Variants in LAMA1 observed in about 807,000 individuals in gnomAD.
The protein encoded by LAMA1 is laminin subunit alpha 1.
In LAMA1, 219 loss-of-function variants were observed where a neutral mutation model predicts 348.7. The ratio of observed to expected loss-of-function variants is 0.63; its 90% CI spans 0.56 to 0.70. The LOEUF is 0.70. Ranked by LOEUF, LAMA1 falls within the 30% of genes least tolerant of loss-of-function variation. The pLI, the probability that LAMA1 is intolerant of heterozygous loss-of-function variation, is 0.00. For synonymous variants in LAMA1, 1,487 were observed against 1,491.0 expected (o/e 1.00, Z 0.06); for missense variants, 3,744 against 3,888.0 (o/e 0.96, Z 0.99).
intron 47 of LAMA1, 162 bp from the exon 48 acceptor site, chr18:6,972,143 T>C: frequency 1.4e-6 from 1 of 726,260 alleles, no homozygotes; most frequent in South Asian, 1.6e-5. Context: ...CTGGATTTCC[T>C]TTCAGTTATG....
chr18:7,085,639 C>T (rs993956610), intron 1 of LAMA1, among the ~76,000 whole-genome samples: 22 of 152,070 alleles, frequency 1.4e-4, no homozygotes, highest in African/African-American at 2.2e-4. Flanking sequence ...AGGATGGTCT[C>T]GATCTCCTGA....
chr18:6,945,096 T>C (rs2057515946), intron 61 of LAMA1, among the ~76,000 whole-genome samples: 1 of 152,174 alleles, frequency 6.6e-6, no homozygotes, highest in Non-Finnish European at 1.5e-5. Flanking sequence ...GGTGTCGCTA[T>C]GTTGCCCTGG....
At chr18:7,020,159 A>G (rs578201393) in intron 19 of LAMA1, among the ~76,000 whole-genome samples, 1 of 152,174 alleles carries the variant, frequency 6.6e-6, no homozygotes, top group Admixed American at 6.5e-5. Context: ...AGAGTCCTTT[A>G]ATATTAGAGT....
chr18:7,094,803 C>T (rs1301803903), intron 1 of LAMA1, among the ~76,000 whole-genome samples: 2 of 152,148 alleles, frequency 1.3e-5, no homozygotes, highest in Admixed American at 6.6e-5. Context: ...GTTCAGGCCC[C>T]ATCCACACAG....
Position 7,023,156 on chromosome 18 carries a change from G to A in LAMA1, c.2701+8C>T, listed in dbSNP as rs182799560. Reference sequence around the variant, plus strand: ...ACAGCTGACCTGACTTCACGCTCACGCACTCACCGCGGCAGTTCTTGGCTG... The same window carrying A: ...ACAGCTGACCTGACTTCACGCTCACACACTCACCGCGGCAGTTCTTGGCTG... On this transcript the variant is annotated splice_region_variant and intron_variant, in intron 19 of 62. Coordinates refer to ENST00000389658, the MANE Select transcript of LAMA1 (RefSeq NM_005559.4). 8.7e-6 allele frequency: 14 copies of A among 1,610,834 alleles called. No homozygotes were observed. The highest frequency in any genetic ancestry group is 4.5e-5 in the East Asian group (2 of 44,772).
At chr18:6,959,202 C>A (rs1255234838) in intron 54 of LAMA1, 139 bp downstream of exon 54, 8 of 1,084,304 alleles carry the variant, frequency 7.4e-6, no homozygotes, top group Non-Finnish European at 1.1e-5. Context: ...AGGAAAGAAT[C>A]CTAGCAAGGT....
Position 7,016,483 on chromosome 18 carries a change from AG to A in LAMA1, c.2989+7del, listed in dbSNP as rs779310150. ...TACAAAGTCTCAAACAAGGAAATCA[AG>A]GCTTACGTGTACAGCTACCATCCTG... On this transcript the variant is annotated splice_region_variant and intron_variant, in intron 21 of 62. Coordinates refer to ENST00000389658, the MANE Select transcript of LAMA1 (RefSeq NM_005559.4). 1 of 1,614,210 alleles carries A rather than the reference AG, an allele frequency of 6.2e-7. No individual in the cohort carries two copies. Among genetic ancestry groups the A allele is most frequent in the Admixed American group, 1.7e-5 (1 of 60,036 alleles).
At chr18:7,107,992 C>T (rs1219716109) in intron 1 of LAMA1, among the ~76,000 whole-genome samples, 7 of 147,348 alleles carry the variant, frequency 4.8e-5, no homozygotes, top group Admixed American at 1.4e-4. Flanking sequence ...CCAGCCTGGG[C>T]GACAGAGCGA....
intron 1 of LAMA1, among the ~76,000 whole-genome samples, chr18:7,116,775 CTTTCTTTCTT>C (rs2058358143): frequency 6.6e-6 from 1 of 152,020 alleles, no homozygotes; most frequent in African/African-American, 2.4e-5. Flanking sequence ...GAAAAGAATT[CTTTCTTTCTT>C]TTTCTTTCTT....
chr18:7,021,929 T>C (rs117117938), intron 19 of LAMA1, among the ~76,000 whole-genome samples: 2,534 of 150,224 alleles, frequency 0.017, 30 homozygotes, highest in Non-Finnish European at 0.024. Flanking sequence ...ATTTATTTCA[T>C]GTCTAGAACT....
Position 7,044,720 on chromosome 18 carries a change from A to G in LAMA1, c.976+2T>C, listed in dbSNP as rs749180311. The stretch of plus-strand genomic sequence containing the variant: ...TGACCTTCAGATTCTAAGTATACTG[A>G]CCTTCACATGTATTGCCGGAGGACA... On this transcript the variant is annotated splice_donor_variant, in intron 7 of 62. Coordinates refer to ENST00000389658, the MANE Select transcript of LAMA1 (RefSeq NM_005559.4). LOFTEE classifies it high-confidence loss of function. 6.2e-7 allele frequency: 1 copy of G among 1,610,128 alleles called. No homozygotes were observed. Among genetic ancestry groups the G allele is most frequent in the Admixed American group, 1.7e-5 (1 of 60,010 alleles).
chr18:7,044,828 ACACTGC>A lies in LAMA1; in HGVS notation c.864_869del (p.Gln291_Cys292del). On this transcript the variant is annotated inframe_deletion, in exon 7 of 63. Coordinates refer to ENST00000389658, the MANE Select transcript of LAMA1 (RefSeq NM_005559.4). The stretch of plus-strand genomic sequence containing the variant: ...CCCCGCAAGTATTATGCTCACATTG[ACACTGC>A]AGTTTCTACACAATAAGGAAGCCAA... The A allele has an allele frequency of 6.2e-7, 1 of 1,613,166 alleles. No homozygotes were observed. The highest frequency in any genetic ancestry group is 8.5e-7 in the Non-Finnish European group (1 of 1,179,116).
intron 19 of LAMA1, among the ~76,000 whole-genome samples, chr18:7,017,703 T>C (rs765947659): frequency 7.9e-5 from 12 of 152,306 alleles, no homozygotes; most frequent in East Asian, 3.9e-4. Flanking sequence ...AAACATGCAA[T>C]GGAGATTTCA....
rs1208695226 is a variant in LAMA1 at position 7,049,241 on chromosome 18, A to G, written c.605T>C (p.Ile202Thr). 6.2e-7 allele frequency: 1 copy of G among 1,614,044 alleles called. No homozygotes were observed. The highest frequency in any genetic ancestry group is 8.5e-7 in the Non-Finnish European group (1 of 1,179,900). The change falls in exon 5 of 63, where the codon ATC (isoleucine) becomes ACC (threonine). Residue 202 changes from isoleucine (I) to threonine (T), a missense_variant. Ile to Thr is a moderately conservative substitution (Grantham distance 89, BLOSUM62 -1). Transcript: ENST00000389658. ...LEHGEIHTSL[I>T]NGRPSADDLS... ...ATCGTCAGCGCTTGGTCTGCCATTGATGAGTGATGTATGAATCTGAAGATG... is the reference window on the plus strand; with the variant it reads ...ATCGTCAGCGCTTGGTCTGCCATTGGTGAGTGATGTATGAATCTGAAGATG...
intron 22 of LAMA1, among the ~76,000 whole-genome samples, chr18:7,014,888 C>T (rs2057879251): frequency 6.6e-6 from 1 of 151,916 alleles, no homozygotes; most frequent in Non-Finnish European, 1.5e-5. Context: ...GCTCTGTTGC[C>T]CAGGCTGGAA....
chr18:7,052,135 A>G (rs1294321720), intron 3 of LAMA1, among the ~76,000 whole-genome samples: 1 of 152,202 alleles, frequency 6.6e-6, no homozygotes, highest in Non-Finnish European at 1.5e-5. Context: ...GAAACCTCGA[A>G]TGCATATTAC....
At position 7,080,342 on chromosome 18, in the gene LAMA1, C is replaced by T. The variant is rs2143783084; in HGVS notation, c.177G>A (p.Arg59=). 1 of 1,614,244 alleles carries T rather than the reference C, an allele frequency of 6.2e-7. No homozygotes were observed. Among genetic ancestry groups the T allele is most frequent in the East Asian group, 2.2e-5 (1 of 44,886 alleles). ...TCCGGCACTGTGGGTTTCGGACGGG[C>T]CGACCTGGCACATGCTCCACAAGTT... The part of the protein sequence containing the change: ...FCKLVEHVPG[R]PVRNPQCRIC... The change falls in exon 2 of 63, where the codon CGG becomes CGA. Residue 59 remains arginine, a synonymous_variant. Transcript: ENST00000389658.
At chr18:6,944,216 A>T (rs2057512669) in intron 61 of LAMA1, among the ~76,000 whole-genome samples, 1 of 152,130 alleles carries the variant, frequency 6.6e-6, no homozygotes, top group South Asian at 2.1e-4. Context: ...GGGTTTCACC[A>T]TGTTGGCCAG....
intron 5 of LAMA1, among the ~76,000 whole-genome samples, chr18:7,047,416 A>C (rs1161630329): frequency 6.6e-6 from 1 of 152,172 alleles, no homozygotes; most frequent in East Asian, 1.9e-4. Flanking sequence ...AACTCTGCCA[A>C]AGAGAATTAA....
Sources: allele counts gnomAD v4.1 joint callset (sites outside exome capture counted in the v4.1 genomes callset), GRCh38; gene constraint gnomAD v4.1.1; transcripts MANE v1.5; gene names NCBI Gene and HGNC (gene_info 2026-07-23, HGNC 2026-07-21).